The following ENO4 variants were observed in gnomAD, a reference collection of about 807,000 sequenced individuals.
ENO4 encodes 2-phospho-D-glycerate hydro-lyase.
Under a neutral mutation model 63.2 loss-of-function variants are expected in ENO4, and 53 were observed. The observed-to-expected ratio is 0.84, with a 90% confidence interval of 0.67 to 1.05. The LOEUF (loss-of-function observed/expected upper bound fraction) is 1.05. Ranked by LOEUF, ENO4 falls within the 50% of genes least tolerant of loss-of-function variation. ENO4 has a pLI of 0.00. For synonymous variants in ENO4, 266 were observed against 283.8 expected, an observed-to-expected ratio of 0.94 and a Z score of 0.63; for missense variants, 719 against 772.0, an observed-to-expected ratio of 0.93 and a Z score of 0.81.
chr10:116,878,795 G>A (rs189272743), intron 11 of ENO4, among the ~76,000 whole-genome samples: 2,984 of 141,956 alleles, frequency 0.021, 63 homozygotes, highest in Admixed American at 0.043. Context: ...CAGAGCTGGA[G>A]TGCAGTGGCG....
chr10:116,881,668 A>G lies in ENO4; in HGVS notation c.1877A>G (p.Ter626TrpextTer14). ...ESAETGASSG* is the reference protein window; with the variant it reads ...ESAETGASSGW The stretch of plus-strand genomic sequence containing the variant: ...GCCGAAACAGGAGCATCCTCTGGAT[A>G]GGGCTGTACACACCCCAGGTTCCAG... Residue 626 changes from the stop codon to tryptophan (W), a stop_lost, in exon 14 of 14, where the codon TAG becomes TGG. Coordinates refer to ENST00000341276, the MANE Select transcript of ENO4 (RefSeq NM_001242699.2). 1 of 1,518,530 alleles carries G rather than the reference A, an allele frequency of 6.6e-7. No individual in the cohort carries two copies. 94.1% of individuals were successfully genotyped at this position (1,518,530 alleles called of 1,614,324 possible).
chr10:116,910,911 G>C (rs768320762), intron 10 of ENO4, among the ~76,000 whole-genome samples: 2 of 152,180 alleles, frequency 1.3e-5, no homozygotes, highest in African/African-American at 4.8e-5. Context: ...AAGCCATTCT[G>C]GGTTAAGTCT....
intron 6 of ENO4, among the ~76,000 whole-genome samples, chr10:116,861,947 C>T (rs896857408): frequency 6.6e-6 from 1 of 152,166 alleles, no homozygotes; most frequent in African/African-American, 2.4e-5. Flanking sequence ...TATCATCTGT[C>T]AGATCGTATT....
At chr10:116,851,041 C>G (rs751234210) in intron 1 of ENO4, among the ~76,000 whole-genome samples, 1 of 152,182 alleles carries the variant, frequency 6.6e-6, no homozygotes, top group Non-Finnish European at 1.5e-5. Context: ...TCTATTCTAA[C>G]GTCCTCATTT....
chr10:116,896,725 C>A (rs1389857631), intron 10 of ENO4, among the ~76,000 whole-genome samples: 1 of 151,824 alleles, frequency 6.6e-6, no homozygotes, highest in Non-Finnish European at 1.5e-5. Context: ...GTCGTCTCAT[C>A]TTCTCACCCA....
rs1300966995 is a variant in ENO4, at chr10:116,871,257, G to C, written c.1180G>C (p.Ala394Pro). The C allele has an allele frequency of 1.3e-6, 2 of 1,550,266 alleles. No homozygotes were observed. Among genetic ancestry groups the C allele is most frequent in the Admixed American group, 3.9e-5 (2 of 50,968 alleles). The change falls in exon 9 of 14, where the codon GCT becomes CCT. Residue 394 changes from alanine (A) to proline (P), a missense_variant. Physicochemically the swap from Ala to Pro is conservative, Grantham distance 27. Coordinates refer to ENST00000341276, the MANE Select transcript of ENO4 (RefSeq NM_001242699.2). Reference protein sequence around the residue: ...GLELGTNLHLAINCAGHELMD... With the variant: ...GLELGTNLHLPINCAGHELMD... ...AGAACTGGGAACAAATCTGCATCTA[G>C]CTATCAACTGTGCTGGACATGAGCT...
At chr10:116,867,375 C>T (rs534650036) in intron 7 of ENO4, among the ~76,000 whole-genome samples, 1 of 149,588 alleles carries the variant, frequency 6.7e-6, no homozygotes, top group African/African-American at 2.5e-5. Context: ...AAAAGGCTGC[C>T]AGCCTGGGCA....
intron 7 of ENO4, among the ~76,000 whole-genome samples, chr10:116,865,898 ATTT>A (rs1260755240): frequency 6.6e-6 from 1 of 152,160 alleles, no homozygotes; most frequent in African/African-American, 2.4e-5. Context: ...ATCCACAAGT[ATTT>A]TTTTAAGTTT....
chr10:116,875,921 G>T, intron 10 of ENO4, 144 bp from the exon 11 acceptor site: 1 of 560,510 alleles, frequency 1.8e-6, no homozygotes, highest in South Asian at 3.0e-5. Context: ...TGTGGTACAG[G>T]GTCATTCAGG....
intron 11 of ENO4, among the ~76,000 whole-genome samples, chr10:116,878,742 C>CTT (rs10635577): frequency 0.14 from 15,847 of 114,162 alleles, 1,970 homozygotes; most frequent in East Asian, 0.26. Context: ...AATCATATAT[C>CTT]TTTTTTTTTT....
chr10:116,849,672 C>A lies in ENO4; in HGVS notation c.106C>A (p.Leu36Met). Residue 36 changes from leucine to methionine, a missense_variant, in exon 1 of 14, where the codon CTG becomes ATG. Physicochemically the swap from Leu to Met is conservative, Grantham distance 15 (BLOSUM62 2). This residue lies in a region of ENO4 where 544 missense variants were observed against 583.6 expected (regional missense o/e 0.93). Transcript: ENST00000341276. ...CCGGGAGAACGACGTTCCGCGCAGG[C>A]TGGAAGAGCTGCTCAACTCCACCTT... ...YYRENDVPRR[L>M]EELLNSTFYL... The A allele has an allele frequency of 6.5e-7, 1 of 1,549,802 alleles. No individual in the cohort carries two copies. The highest frequency in any genetic ancestry group is 8.7e-7 in the Non-Finnish European group (1 of 1,146,636).
At chr10:116,859,629 GA>G (rs1692656967) in intron 4 of ENO4, among the ~76,000 whole-genome samples, 1 of 152,146 alleles carries the variant, frequency 6.6e-6, no homozygotes, top group Admixed American at 6.5e-5. Context: ...CCTTCCAACA[GA>G]TTGCTAACCT....
chr10:116,886,477 T>A (rs756589614), downstream of ENO4: 2 of 1,614,156 alleles, frequency 1.2e-6, no homozygotes, highest in South Asian at 2.2e-5. Context: ...TTGGGGTTCA[T>A]GTGTAGAAAC....
At chr10:116,857,642 CTTT>C (rs67355556) in intron 3 of ENO4, among the ~76,000 whole-genome samples, 1 of 144,922 alleles carries the variant, frequency 6.9e-6, no homozygotes, top group Non-Finnish European at 1.5e-5. Flanking sequence ...GTAACAGAAA[CTTT>C]TTTTTTTTTT....
intron 10 of ENO4, among the ~76,000 whole-genome samples, chr10:116,909,641 G>A (rs932062554): frequency 5.3e-5 from 8 of 152,122 alleles, no homozygotes; most frequent in Admixed American, 6.5e-5. Context: ...TTGGAAAAAC[G>A]AGGTCAGTCA....
intron 10 of ENO4, among the ~76,000 whole-genome samples, chr10:116,891,920 A>C (rs1847353171): frequency 6.6e-6 from 1 of 151,934 alleles, no homozygotes; most frequent in Non-Finnish European, 1.5e-5. Flanking sequence ...AGAACGTATT[A>C]AGTTTGTCAA....
intron 10 of ENO4, chr10:116,900,613 G>C: frequency 6.5e-7 from 1 of 1,526,886 alleles, no homozygotes; most frequent in South Asian, 1.2e-5. Context: ...ACTTGTCTCA[G>C]CCAAATTGCT....
downstream of ENO4, chr10:116,885,755 AGTT>A (rs1186212093): frequency 6.6e-6 from 1 of 152,668 alleles, no homozygotes; most frequent in African/African-American, 2.4e-5. Context: ...TTCATCCAAT[AGTT>A]AACAATGTGT....
chr10:116,859,199 A>C, intron 4 of ENO4, 61 bp downstream of exon 4: 1 of 1,440,348 alleles, frequency 6.9e-7, no homozygotes, highest in Non-Finnish European at 9.1e-7. Flanking sequence ...AGAAAGGCTG[A>C]AGCCTGGACT....
Sources: gnomAD v4.1 joint callset for allele counts (sites outside exome capture counted in the v4.1 genomes callset) on GRCh38, gnomAD v4.1.1 for gene constraint, gnomAD v4.1.1 regional missense constraint, MANE v1.5 for transcripts, NCBI Gene and HGNC (gene_info 2026-07-23, HGNC 2026-07-21) for gene names.